TMEM117: variants seen among roughly 807,000 people sequenced by gnomAD.
TMEM117 encodes transmembrane protein 117.
A neutral mutation model predicts 52.4 loss-of-function variants in TMEM117; 27 were observed. The observed-to-expected ratio is 0.51, with a 90% confidence interval of 0.38 to 0.71. TMEM117 has a LOEUF of 0.71. Ranked by LOEUF, TMEM117 falls within the 30% of genes least tolerant of loss-of-function variation. The pLI, the probability that TMEM117 is intolerant of heterozygous loss-of-function variation, is 0.00. For synonymous variants in TMEM117, 215 were observed against 206.3 expected (o/e 1.04, Z -0.36); for missense variants, 556 against 630.5 (o/e 0.88, Z 1.26).
intron 3 of TMEM117, among the ~76,000 whole-genome samples, chr12:44,060,777 GACA>G (rs1947127670): frequency 1.3e-5 from 2 of 152,168 alleles, no homozygotes; most frequent in African/African-American, 4.8e-5. Context: ...CTGAGAGAGA[GACA>G]ACGAGGAGGA....
At chr12:44,291,382 T>G (rs1355046729) in intron 5 of TMEM117, among the ~76,000 whole-genome samples, 1 of 136,972 alleles carries the variant, frequency 7.3e-6, no homozygotes, top group Non-Finnish European at 1.5e-5. Context: ...CAGTTTTTTT[T>G]TTTTTTTTTT....
rs373360982 is a variant in TMEM117, at chr12:44,285,727, G to T, written c.609-13853G>T. On this transcript the variant is annotated intron_variant, in intron 5 of 7. Coordinates refer to ENST00000266534, the MANE Select transcript of TMEM117 (RefSeq NM_032256.3). ...TGATTGCTTTTGTTACAGAGTTGAG[G>T]TGACAATATTGATCATTAAAACAAG... is the stretch of plus-strand genomic sequence containing the variant. 2.0e-4 allele frequency among the ~76,000 whole-genome samples: 30 copies of T among 152,276 alleles called. No individual in the cohort carries two copies. In the South Asian group the frequency reaches 6.0e-3, roughly 31 times the overall value.
chr12:44,000,442 A>T (rs1014781671), intron 3 of TMEM117, among the ~76,000 whole-genome samples: 3 of 152,276 alleles, frequency 2.0e-5, no homozygotes, highest in Admixed American at 2.0e-4. Context: ...CTCAGACTGC[A>T]TCTCCAGAGG....
chr12:43,876,680 G>A (rs1180711081), intron 2 of TMEM117, among the ~76,000 whole-genome samples: 1 of 152,038 alleles, frequency 6.6e-6, no homozygotes, highest in East Asian at 1.9e-4. Context: ...CTGCCTCATA[G>A]ACACACAGGA....
intron 5 of TMEM117, among the ~76,000 whole-genome samples, chr12:44,273,186 A>C (rs992698982): frequency 7.2e-5 from 11 of 151,968 alleles, no homozygotes; most frequent in African/African-American, 2.7e-4. Context: ...ACACTTGGAC[A>C]CAGGAAGGGG....
At chr12:44,063,575 G>A (rs1048921260) in intron 3 of TMEM117, among the ~76,000 whole-genome samples, 55 of 151,478 alleles carry the variant, frequency 3.6e-4, no homozygotes, top group African/African-American at 1.2e-3. Flanking sequence ...CCATTAACTC[G>A]TCATTTACAT....
chr12:44,339,774 CT>C (rs1310853664), intron 6 of TMEM117, among the ~76,000 whole-genome samples: 1 of 151,764 alleles, frequency 6.6e-6, no homozygotes, highest in East Asian at 1.9e-4. Context: ...AAGTACTTTG[CT>C]TTGAATTGGA....
At chr12:44,153,226 T>C (rs1948780348) in intron 4 of TMEM117, among the ~76,000 whole-genome samples, 1 of 152,048 alleles carries the variant, frequency 6.6e-6, no homozygotes, top group African/African-American at 2.4e-5. Context: ...TGTCTTGCCC[T>C]TGCCCAAGGT....
chr12:44,183,352 A>C (rs1005838706), intron 4 of TMEM117, among the ~76,000 whole-genome samples: 1 of 152,168 alleles, frequency 6.6e-6, no homozygotes, highest in African/African-American at 2.4e-5. Flanking sequence ...TTGGATACTT[A>C]CTTTGCATAG....
chr12:44,279,124 T>G (rs1950548765), intron 5 of TMEM117, among the ~76,000 whole-genome samples: 1 of 152,224 alleles, frequency 6.6e-6, no homozygotes, highest in Admixed American at 6.5e-5. Context: ...TGCCAACTAC[T>G]TTCTCTTAAT....
chr12:44,089,062 C>G (rs1947619668), intron 3 of TMEM117, among the ~76,000 whole-genome samples: 1 of 152,148 alleles, frequency 6.6e-6, no homozygotes, highest in South Asian at 2.1e-4. Flanking sequence ...TTCTCTGTTG[C>G]TGCTCAGGGC....
At chr12:44,182,916 C>T (rs1391487969) in intron 4 of TMEM117, among the ~76,000 whole-genome samples, 1 of 152,132 alleles carries the variant, frequency 6.6e-6, no homozygotes, top group East Asian at 1.9e-4. Flanking sequence ...CTTTCTACAT[C>T]TATTAGTTGC....
chr12:44,339,144 A>G (rs1342184984), intron 6 of TMEM117, among the ~76,000 whole-genome samples: 1 of 152,074 alleles, frequency 6.6e-6, no homozygotes, highest in Non-Finnish European at 1.5e-5. Context: ...AGAAAACTCC[A>G]GAAACTCTCT....
chr12:44,301,535 C>T (rs924421809), intron 6 of TMEM117, among the ~76,000 whole-genome samples: 2 of 152,186 alleles, frequency 1.3e-5, no homozygotes, highest in African/African-American at 4.8e-5. Flanking sequence ...AGCAATAACC[C>T]GGCCAAGCTA....
chr12:44,184,683 C>T (rs968955095), intron 4 of TMEM117, among the ~76,000 whole-genome samples: 2 of 152,164 alleles, frequency 1.3e-5, no homozygotes, highest in African/African-American at 4.8e-5. Context: ...GTCTTGAAAG[C>T]GATCCTTTCC....
intron 6 of TMEM117, among the ~76,000 whole-genome samples, chr12:44,375,897 A>G (rs1951934382): frequency 6.6e-6 from 1 of 152,286 alleles, no homozygotes. Context: ...CCTCATTTGC[A>G]TCTGTTTCCC....
Position 43,987,013 on chromosome 12 carries a change from G to A in TMEM117, c.410+42671G>A, listed in dbSNP as rs527871705. On this transcript the variant is annotated intron_variant, in intron 3 of 7. Coordinates refer to ENST00000266534, the MANE Select transcript of TMEM117 (RefSeq NM_032256.3). ...ATGTCCCCATCTCCCAAATTCTTTC[G>A]TTGAAGCCCCAGCCCCCAGTATCTC... is the stretch of plus-strand genomic sequence containing the variant. 1.1e-3 allele frequency among the ~76,000 whole-genome samples: 171 copies of A among 152,096 alleles called. 1 individual carries two copies. The highest frequency in any genetic ancestry group is 3.9e-3 in the African/African-American group (163 of 41,498).
intron 4 of TMEM117, among the ~76,000 whole-genome samples, chr12:44,209,356 A>G (rs550181595): frequency 2.0e-5 from 3 of 152,270 alleles, no homozygotes; most frequent in East Asian, 3.9e-4. Context: ...TTTGATGGAA[A>G]ATACAATCCA....
At chr12:43,910,157 G>A (rs1716062882) in intron 2 of TMEM117, among the ~76,000 whole-genome samples, 1 of 145,034 alleles carries the variant, frequency 6.9e-6, no homozygotes, top group East Asian at 2.0e-4. Flanking sequence ...TGATCAAGTG[G>A]GCTTCATCCC....
Sources: gnomAD v4.1 joint callset for allele counts (sites outside exome capture counted in the v4.1 genomes callset) on GRCh38, gnomAD v4.1.1 for gene constraint, MANE v1.5 for transcripts, NCBI Gene and HGNC (gene_info 2026-07-23, HGNC 2026-07-21) for gene names.